CASKIN2: variants seen among roughly 807,000 people sequenced by gnomAD.
CASKIN2 encodes caskin-2.
Under a neutral mutation model 107.1 loss-of-function variants are expected in CASKIN2, and 41 were observed. That is an observed-to-expected ratio of 0.38 (90% confidence interval 0.30 to 0.50). CASKIN2 has a LOEUF of 0.50. Among genes scored for constraint, CASKIN2 ranks in the 20% least tolerant of loss-of-function variants. CASKIN2 has a pLI of 0.92. For missense variants in CASKIN2, 1,546 were observed against 1,657.4 expected (o/e 0.93, Z 1.17); for synonymous variants, 724 against 705.6 (o/e 1.03, Z -0.41).
At position 75,501,165 on chromosome 17, in the gene CASKIN2, G is replaced by T; in HGVS notation, c.3524C>A (p.Pro1175His). 1 of 1,586,052 alleles carries T rather than the reference G, an allele frequency of 6.3e-7. No homozygotes were observed. The highest frequency in any genetic ancestry group is 8.6e-7 in the Non-Finnish European group (1 of 1,166,210). The change falls in exon 20 of 20, where the codon CCC becomes CAC. Residue 1175 changes from proline to histidine, a missense_variant. Pro to His is a moderately conservative substitution (Grantham distance 77). Transcript: ENST00000321617. Reference protein sequence around the residue: ...SIGTKEQEGTPSASTKHILDD... With the variant: ...SIGTKEQEGTHSASTKHILDD... ...CAGAATGTGCTTGGTGGAGGCGCTG[G>T]GGGTGCTGCAGCAAGGGGAAGGATG...
Position 75,505,498 on chromosome 17 carries a change from C to G in CASKIN2, c.930+59G>C. ...AGAACGTGGTAACATAGCAGGTGCC[C>G]AAATAAGTAACAGCAATCATTTGTA... On this transcript the variant is annotated intron_variant, in intron 10 of 19. Coordinates refer to ENST00000321617, the MANE Select transcript of CASKIN2 (RefSeq NM_020753.5). The surrounding 1 kb of genome is among the most constrained non-coding windows in gnomAD (Gnocchi z 5.1). 1 of 1,536,398 alleles carries G rather than the reference C, an allele frequency of 6.5e-7. No homozygotes were observed. The highest frequency in any genetic ancestry group is 9.0e-7 in the Non-Finnish European group (1 of 1,110,540).
chr17:75,501,769 C>T lies in CASKIN2; in HGVS notation c.3295+10G>A. ...CCAGCAGTGACTCTCCCACAGGCCT[C>T]CCCTCTTACCTGCTCCGGGCACCTT... On this transcript the variant is annotated intron_variant, in intron 18 of 19. Coordinates refer to ENST00000321617, the MANE Select transcript of CASKIN2 (RefSeq NM_020753.5). 6 of 1,527,124 alleles carry T rather than the reference C, an allele frequency of 3.9e-6. No individual in the cohort carries two copies. The highest frequency in any genetic ancestry group is 5.3e-6 in the Non-Finnish European group (6 of 1,138,040). The allele number at this position is 1,527,124 out of a possible 1,614,324, so 94.6% of individuals were successfully genotyped here.
chr17:75,504,640 C>T lies in CASKIN2; in HGVS notation c.1246G>A (p.Ala416Thr). The change falls in exon 12 of 20, where the codon GCC (alanine) becomes ACC (threonine). Residue 416 changes from alanine (A) to threonine (T), a missense_variant. Physicochemically the swap from Ala to Thr is moderately conservative, Grantham distance 58. This residue lies in a region of CASKIN2 where 1,311 missense variants were observed against 1,311.0 expected (regional missense o/e 1.00). Coordinates refer to ENST00000321617, the MANE Select transcript of CASKIN2 (RefSeq NM_020753.5). ...SEGSVGSIRS[A>T]GSGQSSEGTN... ...CCCTCAGAGCTCTGCCCGCTGCCGG[C>T]ACTGCGGATGCTGCCCACGCTGCCC... 2 of 1,608,178 alleles carry T rather than the reference C, an allele frequency of 1.2e-6. No homozygotes were observed. Among genetic ancestry groups the T allele is most frequent in the Non-Finnish European group, 8.5e-7 (1 of 1,176,832 alleles).
At chr17:75,512,863 G>A (rs1160295639) in intron 2 of CASKIN2, among the ~76,000 whole-genome samples, 1 of 149,990 alleles carries the variant, frequency 6.7e-6, no homozygotes, top group East Asian at 2.0e-4. Flanking sequence ...TCATGCCACT[G>A]CACTCCAGGC....
intron 13 of CASKIN2, 31 bp downstream of exon 13, chr17:75,504,389 T>G: frequency 6.2e-7 from 1 of 1,602,680 alleles, no homozygotes; most frequent in Non-Finnish European, 8.5e-7. Context: ...GCACCTCTCC[T>G]AGCCAACCCA....
rs770475161 is a variant in CASKIN2, at chr17:75,503,189, C to T, written c.1885G>A (p.Gly629Arg). The T allele has an allele frequency of 6.2e-7, 1 of 1,601,222 alleles. No individual in the cohort carries two copies. Among genetic ancestry groups the T allele is most frequent in the Admixed American group, 1.7e-5 (1 of 58,794 alleles). Residue 629 changes from glycine (G) to arginine (R), a missense_variant, in exon 18 of 20, where the codon GGG (glycine) becomes AGG (arginine). Gly to Arg is a moderately radical substitution (Grantham distance 125). This residue lies in a region of CASKIN2 where 1,311 missense variants were observed against 1,311.0 expected (regional missense o/e 1.00). Coordinates refer to ENST00000321617, the MANE Select transcript of CASKIN2 (RefSeq NM_020753.5). ...CGCCCGCCTTCGCTGAGGGCCTCCC[C>T]CTGCAGCAGGCCCCGCCGAAGCTCC... ...LAELRRGLLQGEALSEGGRRL... is the reference protein window; with the variant it reads ...LAELRRGLLQREALSEGGRRL...
rs2053209937 is a variant in CASKIN2, at chr17:75,502,464, G to A, written c.2610C>T (p.Pro870=). The A allele has an allele frequency of 2.1e-6, 3 of 1,450,222 alleles. No individual in the cohort carries two copies. Among genetic ancestry groups the A allele is most frequent in the Non-Finnish European group, 2.7e-6 (3 of 1,097,380 alleles). 89.8% of individuals were successfully genotyped at this position (1,450,222 alleles called of 1,614,324 possible). A position where few individuals can be genotyped will look rare whatever the true frequency, so the allele number is the denominator to read the frequency against. The part of the protein sequence containing the change: ...ALRARRKGPP[P]PPPKRLSSVS... ...CGGAGCTGAGGCGCTTGGGGGGCGG[G>A]GGCGGGGGGCCTTTGCGCCGGGCCC... The change falls in exon 18 of 20, where the codon CCC becomes CCT. Residue 870 remains proline (P), a synonymous_variant. Coordinates refer to ENST00000321617, the MANE Select transcript of CASKIN2 (RefSeq NM_020753.5). This position sits in a 1 kb window ranked among gnomAD's most constrained non-coding sequence, Gnocchi z 4.3.
chr17:75,513,073 T>C (rs1051858514), intron 2 of CASKIN2, among the ~76,000 whole-genome samples: 2 of 152,122 alleles, frequency 1.3e-5, no homozygotes, highest in Non-Finnish European at 2.9e-5. Flanking sequence ...AGAAAGACCA[T>C]CTGCTAGAAG....
chr17:75,505,413 G>A lies in CASKIN2; in HGVS notation c.930+144C>T. 2.7e-6 allele frequency: 2 copies of A among 753,784 alleles called. No individual in the cohort carries two copies. The highest frequency in any genetic ancestry group is 2.5e-5 in the East Asian group (1 of 40,724). The allele number at this position is 753,784 out of a possible 1,614,324, so 46.7% of individuals were successfully genotyped here. Reference sequence around the variant, plus strand: ...CATCTGTAAAGAAGAAATGCTAACAGCACTGCCTTCCCTGGCTTTAAGAAG... The same window carrying A: ...CATCTGTAAAGAAGAAATGCTAACAACACTGCCTTCCCTGGCTTTAAGAAG... On this transcript the variant is annotated intron_variant, in intron 10 of 19. Transcript: ENST00000321617. This position sits in a 1 kb window ranked among gnomAD's most constrained non-coding sequence, Gnocchi z 5.1.
chr17:75,508,024 C>T (rs939264517), intron 3 of CASKIN2, among the ~76,000 whole-genome samples: 2 of 152,148 alleles, frequency 1.3e-5, no homozygotes, highest in African/African-American at 4.8e-5. Context: ...AGGGCCCCTC[C>T]CCTCACTCAG....
At chr17:75,515,358 C>T (rs772023096) in intron 1 of CASKIN2, 43 bp downstream of exon 1, 7 of 152,274 alleles carry the variant, frequency 4.6e-5, no homozygotes, top group Non-Finnish European at 1.0e-4. Flanking sequence ...TTTGCGCCCG[C>T]CCCCAGGGGC....
chr17:75,505,492 G>T lies in CASKIN2; in HGVS notation c.930+65C>A. The T allele has an allele frequency of 6.8e-7, 1 of 1,471,652 alleles. No individual in the cohort carries two copies. The highest frequency in any genetic ancestry group is 9.5e-7 in the Non-Finnish European group (1 of 1,051,476). The allele number at this position is 1,471,652 out of a possible 1,614,324, so 91.2% of individuals were successfully genotyped here. A position where few individuals can be genotyped will look rare whatever the true frequency, so the allele number is the denominator to read the frequency against. ...CAGAGCAGAACGTGGTAACATAGCA[G>T]GTGCCCAAATAAGTAACAGCAATCA... On this transcript the variant is annotated intron_variant, in intron 10 of 19. Transcript: ENST00000321617. This position sits in a 1 kb window ranked among gnomAD's most constrained non-coding sequence, Gnocchi z 5.1.
rs374302814 is a variant in CASKIN2 at position 75,506,369 on chromosome 17, G to A, written c.662C>T (p.Thr221Met). ...TGCGGCCTCGTGGAGCGCCGTACCC[G>A]TCTTGGTCTGGCGGTTGATCTCGAT... ...AGIEINRQTK[T>M]GTALHEAALY... is the part of the protein sequence containing the mutation. Residue 221 changes from threonine (T) to methionine (M), a missense_variant, in exon 8 of 20, where the codon ACG (threonine) becomes ATG (methionine). Thr to Met is a moderately conservative substitution (Grantham distance 81, BLOSUM62 -1). Around this residue, in one of 6 missense-constraint regions of CASKIN2, gnomAD observed 62 missense variants for 81.1 expected, o/e 0.76. Transcript: ENST00000321617. This position sits in a 1 kb window ranked among gnomAD's most constrained non-coding sequence, Gnocchi z 4.8. 46 of 1,611,688 alleles carry A rather than the reference G, an allele frequency of 2.9e-5. No individual in the cohort carries two copies. Among genetic ancestry groups the A allele is most frequent in the African/African-American group, 9.4e-5 (7 of 74,854 alleles).
rs1362738632 is a variant in CASKIN2, at chr17:75,501,088, G to A, written c.3601C>T (p.Leu1201=). 3.8e-6 allele frequency: 6 copies of A among 1,574,710 alleles called. No homozygotes were observed. Among genetic ancestry groups the A allele is most frequent in the Non-Finnish European group, 5.2e-6 (6 of 1,160,296 alleles). ...GGGCACTGCTGGAGGGCTCAGTCCA[G>A]CATGGCGTCCAGCTGGTCAGCCAGG... ...DALADQLDAM[L]D is the part of the protein sequence containing the mutation. Residue 1201 remains leucine (L), a synonymous_variant, in exon 20 of 20, where the codon CTG becomes TTG. Transcript: ENST00000321617.
At position 75,503,865 on chromosome 17, in the gene CASKIN2, C is replaced by T. The variant is rs868219326; in HGVS notation, c.1565G>A (p.Arg522His). The part of the protein sequence containing the change: ...QAGYDVPTIS[R>H]MTPEDLTAIG... ...TGCAGCACCCACCTCAGGTGTCATGCGGCTGATGGTAGGCACATCATAGCC... is the reference window on the plus strand; with the variant it reads ...TGCAGCACCCACCTCAGGTGTCATGTGGCTGATGGTAGGCACATCATAGCC... Residue 522 changes from arginine (R) to histidine (H), a missense_variant, in exon 15 of 20, where the codon CGC becomes CAC. Coordinates refer to ENST00000321617, the MANE Select transcript of CASKIN2 (RefSeq NM_020753.5). 3.1e-6 allele frequency: 5 copies of T among 1,612,556 alleles called. No individual in the cohort carries two copies. The highest frequency in any genetic ancestry group is 2.2e-5 in the East Asian group (1 of 44,854).
chr17:75,514,403 G>T (rs1389585602), intron 1 of CASKIN2, among the ~76,000 whole-genome samples, 195 bp from the exon 2 acceptor site: 2 of 152,274 alleles, frequency 1.3e-5, no homozygotes, highest in Middle Eastern at 3.4e-3. Flanking sequence ...GTATTGGTGG[G>T]GGGGAGGTGG....
At chr17:75,514,394 T>G (rs2053339042) in intron 1 of CASKIN2, among the ~76,000 whole-genome samples, 186 bp from the exon 2 acceptor site, 3 of 144,438 alleles carry the variant, frequency 2.1e-5, no homozygotes, top group East Asian at 2.0e-4. Context: ...ATGAGAGGAG[T>G]ATTGGTGGGG....
In CASKIN2 at chr17:75,505,845, G is replaced by A. The variant is rs374893748; in HGVS notation, c.811C>T (p.Arg271Trp). ...VNQFTTSQASREIKQLLREAS... is the reference protein window; with the variant it reads ...VNQFTTSQASWEIKQLLREAS... ...CCCCGCAGTAGCTGCTTGATTTCCCGGCTGGCCTGGGAGGTGGTGAACTGA... is the reference window on the plus strand; with the variant it reads ...CCCCGCAGTAGCTGCTTGATTTCCCAGCTGGCCTGGGAGGTGGTGAACTGA... Residue 271 changes from arginine to tryptophan, a missense_variant, in exon 9 of 20, where the codon CGG (arginine) becomes TGG (tryptophan). Arg to Trp is a moderately radical substitution (Grantham distance 101). This residue lies in a region of CASKIN2 where 1,311 missense variants were observed against 1,311.0 expected (regional missense o/e 1.00). Coordinates refer to ENST00000321617, the MANE Select transcript of CASKIN2 (RefSeq NM_020753.5). This position sits in a 1 kb window ranked among gnomAD's most constrained non-coding sequence, Gnocchi z 5.1. 3.9e-4 allele frequency: 625 copies of A among 1,613,206 alleles called. 1 individual carries two copies. Among genetic ancestry groups the A allele is most frequent in the Non-Finnish European group, 4.9e-4 (580 of 1,179,954 alleles).
intron 4 of CASKIN2, 103 bp downstream of exon 4, chr17:75,507,481 T>C (rs1479887624): frequency 1.2e-6 from 1 of 831,898 alleles, no homozygotes; most frequent in African/African-American, 1.7e-5. Flanking sequence ...TGCTAGCATC[T>C]ATTAGCATTG....
Sources: gnomAD v4.1 joint callset for allele counts (sites outside exome capture counted in the v4.1 genomes callset) on GRCh38, gnomAD v4.1.1 for gene constraint, gnomAD v4.1.1 regional missense constraint, Gnocchi (gnomAD v3.1) non-coding constraint, MANE v1.5 for transcripts, NCBI Gene and HGNC (gene_info 2026-07-23, HGNC 2026-07-21) for gene names.